Variants in GRM7 observed in about 807,000 individuals in gnomAD.
GRM7 encodes the protein glutamate metabotropic receptor 7, also known as metabotropic glutamate receptor 7.
GRM7 carries 35 observed loss-of-function variants against 84.5 expected under a neutral mutation model. The observed-to-expected ratio is 0.41, with a 90% CI of 0.32 to 0.55. GRM7 has a LOEUF of 0.55. Among genes scored for constraint, GRM7 ranks in the 20% least tolerant of loss-of-function variants. The pLI is 0.19. For missense variants in GRM7, 1,003 were observed against 1,194.6 expected (o/e 0.84, Z 2.36); for synonymous variants, 487 against 455.1 (o/e 1.07, Z -0.89).
intron 1 of GRM7, among the ~76,000 whole-genome samples, chr3:7,121,265 C>T (rs1693207528): frequency 6.6e-6 from 1 of 151,992 alleles, no homozygotes; most frequent in East Asian, 1.9e-4. Flanking sequence ...GAAAGAAGAA[C>T]CATTTGACTT....
At chr3:7,592,295 G>C (rs1369578501) in intron 8 of GRM7, among the ~76,000 whole-genome samples, 1 of 152,086 alleles carries the variant, frequency 6.6e-6, no homozygotes, top group Admixed American at 6.6e-5. Context: ...ATACCAGGAT[G>C]GGGCATACAG....
At chr3:6,984,035 G>A (rs531810797) in intron 1 of GRM7, among the ~76,000 whole-genome samples, 31 of 152,238 alleles carry the variant, frequency 2.0e-4, no homozygotes, top group African/African-American at 7.2e-4. Context: ...GACCACTTCC[G>A]TGGAATGACT....
intron 9 of GRM7, among the ~76,000 whole-genome samples, chr3:7,709,759 T>C (rs1701517529): frequency 6.6e-6 from 1 of 152,194 alleles, no homozygotes; most frequent in East Asian, 1.9e-4. Context: ...TTGGAAGAAC[T>C]TGTGTTTCTG....
intron 1 of GRM7, among the ~76,000 whole-genome samples, chr3:7,032,021 G>A (rs1323015576): frequency 6.6e-6 from 1 of 152,178 alleles, no homozygotes; most frequent in Admixed American, 6.5e-5. Flanking sequence ...ATGCTTTTAT[G>A]TCCAACGGAA....
intron 1 of GRM7, among the ~76,000 whole-genome samples, chr3:7,064,205 C>G (rs189440311): frequency 1.3e-5 from 2 of 150,874 alleles, no homozygotes; most frequent in East Asian, 3.9e-4. Flanking sequence ...ATACACTATA[C>G]TATATTTATA....
chr3:7,565,998 G>A (rs1367423699), intron 7 of GRM7, among the ~76,000 whole-genome samples: 2 of 152,066 alleles, frequency 1.3e-5, no homozygotes, highest in East Asian at 1.9e-4. Context: ...TTGGTTAAGG[G>A]AAAGGGAGAT....
intron 1 of GRM7, among the ~76,000 whole-genome samples, chr3:6,895,327 T>C (rs2124993162): frequency 6.6e-6 from 1 of 152,238 alleles, no homozygotes; most frequent in Non-Finnish European, 1.5e-5. Context: ...AGGAAAAGAA[T>C]GGAAAGCTGC....
At chr3:7,319,507 T>G (rs904672058) in intron 4 of GRM7, among the ~76,000 whole-genome samples, 8 of 152,030 alleles carry the variant, frequency 5.3e-5, no homozygotes, top group African/African-American at 1.2e-4. Context: ...ATATGGGTTC[T>G]AGCATTTGAT....
intron 7 of GRM7, among the ~76,000 whole-genome samples, chr3:7,467,106 T>C (rs1486532082): frequency 6.6e-6 from 1 of 152,196 alleles, no homozygotes; most frequent in Non-Finnish European, 1.5e-5. Flanking sequence ...TTCTTGTTTT[T>C]TGAGACGGAG....
At chr3:7,426,435 C>A (rs1284061710) in intron 5 of GRM7, among the ~76,000 whole-genome samples, 1 of 152,158 alleles carries the variant, frequency 6.6e-6, no homozygotes, top group Non-Finnish European at 1.5e-5. Context: ...GAGGTGTCTG[C>A]ATTTTTCTTG....
chr3:7,612,549 G>C (rs1204465216), intron 8 of GRM7, among the ~76,000 whole-genome samples: 2 of 152,094 alleles, frequency 1.3e-5, no homozygotes, highest in Non-Finnish European at 2.9e-5. Flanking sequence ...AGAGGACATG[G>C]GATATATTTT....
intron 7 of GRM7, among the ~76,000 whole-genome samples, chr3:7,503,248 C>A (rs774953498): frequency 6.6e-6 from 1 of 151,988 alleles, no homozygotes; most frequent in Non-Finnish European, 1.5e-5. Context: ...AAAGAGAGAC[C>A]AGATAATGTT....
At chr3:7,140,078 A>G (rs1693898472) in intron 1 of GRM7, among the ~76,000 whole-genome samples, 1 of 152,072 alleles carries the variant, frequency 6.6e-6, no homozygotes, top group Admixed American at 6.6e-5. Context: ...CAGCAAGGAA[A>G]TGCAAATCAA....
At chr3:7,630,587 G>A (rs1697821907) in intron 8 of GRM7, among the ~76,000 whole-genome samples, 1 of 152,212 alleles carries the variant, frequency 6.6e-6, no homozygotes, top group Admixed American at 6.5e-5. Flanking sequence ...GAATGGGGAA[G>A]ACAGGTTTGG....
chr3:7,357,688 C>T (rs998447148), intron 4 of GRM7, among the ~76,000 whole-genome samples: 2 of 152,152 alleles, frequency 1.3e-5, no homozygotes, highest in Admixed American at 6.6e-5. Context: ...ATGCCCCTTG[C>T]AGCTCATCAC....
chr3:7,006,286 G>A (rs945150944), intron 1 of GRM7, among the ~76,000 whole-genome samples: 4 of 152,170 alleles, frequency 2.6e-5, no homozygotes, highest in African/African-American at 9.7e-5. Flanking sequence ...CTGAAACTCA[G>A]TTGATATACT....
intron 7 of GRM7, among the ~76,000 whole-genome samples, chr3:7,521,616 G>A (rs978449810): frequency 6.6e-6 from 1 of 152,164 alleles, no homozygotes; most frequent in African/African-American, 2.4e-5. Context: ...TAATGGTATT[G>A]TGTGATGGCA....
chr3:7,170,568 T>A (rs1185877712), intron 2 of GRM7, among the ~76,000 whole-genome samples: 1 of 152,108 alleles, frequency 6.6e-6, no homozygotes, highest in Non-Finnish European at 1.5e-5. Flanking sequence ...ATTTGGTGGG[T>A]GGATTCCTAT....
chr3:7,128,972 C>T (rs73122311), intron 1 of GRM7, among the ~76,000 whole-genome samples: 1,562 of 152,270 alleles, frequency 0.01, 22 homozygotes, highest in African/African-American at 0.036. Context: ...GATTCTTAAA[C>T]TTGCTCATGT....
Sources: gnomAD v4.1 joint callset for allele counts (sites outside exome capture counted in the v4.1 genomes callset) on GRCh38, gnomAD v4.1.1 for gene constraint, MANE v1.5 for transcripts, NCBI Gene and HGNC (gene_info 2026-07-23, HGNC 2026-07-21) for gene names.